ATXN1: variants seen among roughly 807,000 people sequenced by gnomAD.
The protein encoded by ATXN1 is ataxin-1.
A neutral mutation model predicts 56.4 loss-of-function variants in ATXN1; 8 were observed. The ratio of observed to expected loss-of-function variants is 0.14; its 90% CI spans 0.08 to 0.26. ATXN1 has a LOEUF of 0.26. Among genes scored for constraint, ATXN1 ranks in the 10% least tolerant of loss-of-function variants. ATXN1 has a pLI of 1.00. For synonymous variants in ATXN1, 514 were observed against 494.6 expected, an observed-to-expected ratio of 1.04 and a Z score of -0.52; for missense variants, 987 against 1,106.5, an observed-to-expected ratio of 0.89 and a Z score of 1.53.
intron 7 of ATXN1, among the ~76,000 whole-genome samples, chr6:16,312,211 G>A (rs1028673502): frequency 6.6e-6 from 1 of 152,114 alleles, no homozygotes; most frequent in Non-Finnish European, 1.5e-5. Flanking sequence ...TACTATAATT[G>A]ATTAGTGCAA....
At chr6:16,659,044 T>C (rs1758263522) in intron 2 of ATXN1, among the ~76,000 whole-genome samples, 1 of 152,148 alleles carries the variant, frequency 6.6e-6, no homozygotes, top group South Asian at 2.1e-4. Context: ...TTTCGGGACG[T>C]TTGAGGAGTT....
rs1397068418 is a variant in ATXN1 at position 16,327,970 on chromosome 6, G to A, written c.341C>T (p.Pro114Leu). The A allele has an allele frequency of 1.3e-5, 21 of 1,613,238 alleles. No individual in the cohort carries two copies. The highest frequency in any genetic ancestry group is 1.5e-5 in the Non-Finnish European group (18 of 1,179,796). ...AAYATPQPGTPVSPVQYAHLP... is the reference protein window; with the variant it reads ...AAYATPQPGTLVSPVQYAHLP... ...GTGAGCGTACTGCACGGGGGACACC[G>A]GGGTCCCTGGCTGCGGGGTGGCGTA... is the stretch of plus-strand genomic sequence containing the variant. Residue 114 changes from proline to leucine, a missense_variant, in exon 7 of 8, where the codon CCG becomes CTG. Around this residue, in one of 3 missense-constraint regions of ATXN1, gnomAD observed 723 missense variants for 791.7 expected, o/e 0.91. Coordinates refer to ENST00000436367, the MANE Select transcript of ATXN1 (RefSeq NM_001128164.2).
At chr6:16,735,881 A>C (rs1247920127) in intron 2 of ATXN1, among the ~76,000 whole-genome samples, 1 of 152,250 alleles carries the variant, frequency 6.6e-6, no homozygotes, top group Non-Finnish European at 1.5e-5. Context: ...AGAGTAATCA[A>C]AGATTAATCT....
intron 4 of ATXN1, among the ~76,000 whole-genome samples, chr6:16,570,347 A>G (rs1762310331): frequency 6.6e-6 from 1 of 152,192 alleles, no homozygotes; most frequent in South Asian, 2.1e-4. Context: ...TGAATCACTA[A>G]TCTTACTTTG....
At chr6:16,590,671 C>CTT (rs796851451) in intron 3 of ATXN1, among the ~76,000 whole-genome samples, 1 of 145,252 alleles carries the variant, frequency 6.9e-6, no homozygotes, top group Admixed American at 6.9e-5. Flanking sequence ...TCATAACATT[C>CTT]TTTTTTTTTT....
At chr6:16,391,422 C>A (rs1162628082) in intron 6 of ATXN1, among the ~76,000 whole-genome samples, 1 of 152,078 alleles carries the variant, frequency 6.6e-6, no homozygotes, top group Non-Finnish European at 1.5e-5. Flanking sequence ...TCTCTAATGG[C>A]CCTGGATTTT....
intron 6 of ATXN1, among the ~76,000 whole-genome samples, chr6:16,370,829 C>A (rs1762025313): frequency 6.6e-6 from 1 of 152,102 alleles, no homozygotes; most frequent in African/African-American, 2.4e-5. Context: ...GCCAGAAAAA[C>A]CTTAAACTAC....
intron 3 of ATXN1, among the ~76,000 whole-genome samples, chr6:16,622,993 C>T (rs527904549): frequency 1.3e-5 from 2 of 152,088 alleles, no homozygotes; most frequent in Admixed American, 6.6e-5. Flanking sequence ...GGCTTCATAT[C>T]AGGTTACTGA....
chr6:16,320,650 C>T (rs143101211), intron 7 of ATXN1, among the ~76,000 whole-genome samples: 20 of 152,350 alleles, frequency 1.3e-4, no homozygotes, highest in African/African-American at 2.9e-4. Context: ...GCTGTCCCAG[C>T]GGGCACGTCA....
At chr6:16,358,986 C>T (rs183445699) in intron 6 of ATXN1, among the ~76,000 whole-genome samples, 1 of 152,326 alleles carries the variant, frequency 6.6e-6, no homozygotes, top group East Asian at 1.9e-4. Flanking sequence ...GGCCAACCCT[C>T]CCAGGCACAG....
At chr6:16,589,769 AAC>A (rs1412619376) in intron 3 of ATXN1, among the ~76,000 whole-genome samples, 1 of 152,238 alleles carries the variant, frequency 6.6e-6, no homozygotes, top group Non-Finnish European at 1.5e-5. Flanking sequence ...GGTAAAATGT[AAC>A]AGTTTTATTT....
chr6:16,326,706 A>G lies in ATXN1; in HGVS notation c.1605T>C (p.Pro535=). The G allele has an allele frequency of 1.2e-6, 2 of 1,613,442 alleles. No homozygotes were observed. Among genetic ancestry groups the G allele is most frequent in the Non-Finnish European group, 1.7e-6 (2 of 1,179,992 alleles). The stretch of plus-strand genomic sequence containing the variant: ...AGGCGGCCTGGGTGACCAGGGCCTC[A>G]GGGTTGAAGTTCTCGCTCTTGGGAA... ...TALPKSENFN[P]EALVTQAAYP... is the part of the protein sequence containing the mutation. Residue 535 remains proline (P), a synonymous_variant, in exon 7 of 8, where the codon CCT becomes CCC. Transcript: ENST00000436367. This position sits in a 1 kb window ranked among gnomAD's most constrained non-coding sequence, Gnocchi z 6.6.
At chr6:16,693,329 C>T (rs1759088764) in intron 2 of ATXN1, among the ~76,000 whole-genome samples, 1 of 152,188 alleles carries the variant, frequency 6.6e-6, no homozygotes, top group African/African-American at 2.4e-5. Context: ...CTGTCCTCAT[C>T]TGTAAAAATG....
At chr6:16,645,919 G>A (rs1467863141) in intron 3 of ATXN1, among the ~76,000 whole-genome samples, 5 of 152,200 alleles carry the variant, frequency 3.3e-5, no homozygotes, top group Non-Finnish European at 7.3e-5. Context: ...GCCCAGGATG[G>A]TGCAAGATGT....
At chr6:16,335,392 G>T (rs34088655) in intron 6 of ATXN1, among the ~76,000 whole-genome samples, 11,445 of 152,156 alleles carry the variant, frequency 0.075, 794 homozygotes, top group East Asian at 0.37. Context: ...TGAGAGCCTC[G>T]CCCCAACGCG....
intron 6 of ATXN1, among the ~76,000 whole-genome samples, chr6:16,444,115 CAAA>C (rs59044073): frequency 1.1e-4 from 15 of 131,332 alleles, no homozygotes; most frequent in Admixed American, 1.5e-4. Context: ...GGCTCCGTCT[CAAA>C]AAAAAAAAAA....
intron 5 of ATXN1, among the ~76,000 whole-genome samples, chr6:16,522,372 C>T (rs932519666): frequency 6.6e-6 from 1 of 152,074 alleles, no homozygotes; most frequent in Non-Finnish European, 1.5e-5. Flanking sequence ...AAGGTAATAG[C>T]AACAATGATG....
At position 16,326,735 on chromosome 6, in the gene ATXN1, C is replaced by T. The variant is rs757466549; in HGVS notation, c.1576G>A (p.Ala526Thr). Reference protein sequence around the residue: ...AAVPHTFVTTALPKSENFNPE... With the variant: ...AAVPHTFVTTTLPKSENFNPE... ...TTGAAGTTCTCGCTCTTGGGAAGGG[C>T]GGTGGTGACGAACGTGTGAGGCACT... Residue 526 changes from alanine to threonine, a missense_variant, in exon 7 of 8, where the codon GCC (alanine) becomes ACC (threonine). Ala to Thr is a moderately conservative substitution (Grantham distance 58). Coordinates refer to ENST00000436367, the MANE Select transcript of ATXN1 (RefSeq NM_001128164.2). This position sits in a 1 kb window ranked among gnomAD's most constrained non-coding sequence, Gnocchi z 6.6. 6 of 1,613,422 alleles carry T rather than the reference C, an allele frequency of 3.7e-6. No homozygotes were observed. Among genetic ancestry groups the T allele is most frequent in the East Asian group, 2.2e-5 (1 of 44,880 alleles).
In ATXN1 at chr6:16,328,050, G is replaced by A. The variant is rs1254471427; in HGVS notation, c.261C>T (p.Tyr87=). ...CAGACCTGGGAGCGCTGGGCGGGGA[G>A]TAGTCCAGCCCTGTGGACAATGCTT... The part of the protein sequence containing the change: ...LHKALSTGLD[Y]SPPSAPRSVP... Residue 87 remains tyrosine (Y), a synonymous_variant, in exon 7 of 8, where the codon TAC becomes TAT. Coordinates refer to ENST00000436367, the MANE Select transcript of ATXN1 (RefSeq NM_001128164.2). This position sits in a 1 kb window ranked among gnomAD's most constrained non-coding sequence, Gnocchi z 6.2. The A allele has an allele frequency of 2.5e-6, 4 of 1,613,652 alleles. No individual in the cohort carries two copies. Among genetic ancestry groups the A allele is most frequent in the Admixed American group, 1.7e-5 (1 of 59,990 alleles).
Sources: gnomAD v4.1 joint callset for allele counts (sites outside exome capture counted in the v4.1 genomes callset) on GRCh38, gnomAD v4.1.1 for gene constraint, gnomAD v4.1.1 regional missense constraint, Gnocchi (gnomAD v3.1) non-coding constraint, MANE v1.5 for transcripts, NCBI Gene and HGNC (gene_info 2026-07-23, HGNC 2026-07-21) for gene names.